PPAN: variants seen among roughly 807,000 people sequenced by gnomAD.
PPAN encodes the protein suppressor of SWI4 1 homolog.
In PPAN, 39 loss-of-function variants were observed where a neutral mutation model predicts 48.5. The observed-to-expected ratio is 0.80, with a 90% CI of 0.62 to 1.05. The LOEUF is 1.05. PPAN is among the 50% of genes least tolerant of loss of function. The pLI is 0.00. For missense variants in PPAN, 736 were observed against 661.7 expected, an observed-to-expected ratio of 1.11 and a Z score of -1.23; for synonymous variants, 315 against 268.6, an observed-to-expected ratio of 1.17 and a Z score of -1.69.
intron 5 of PPAN, among the ~76,000 whole-genome samples, chr19:10,109,157 T>C (rs1008563450): frequency 6.6e-5 from 10 of 151,868 alleles, no homozygotes; most frequent in African/African-American, 2.2e-4. Context: ...AGAGACAGGA[T>C]TTCACCGTGT....
Position 10,107,544 on chromosome 19 carries a change from G to T in PPAN, c.229G>T (p.Ala77Ser), listed in dbSNP as rs1273499815. Reference sequence around the variant, plus strand: ...CTCGCTGAAGGACTGCGTGGCAGTGGCTGGGCCCCTCGGGGTCACACACTT... The same window carrying T: ...CTCGCTGAAGGACTGCGTGGCAGTGTCTGGGCCCCTCGGGGTCACACACTT... ...KNSLKDCVAV[A>S]GPLGVTHFLI... is the part of the protein sequence containing the mutation. The change falls in exon 3 of 12, where the codon GCT becomes TCT. Residue 77 changes from alanine to serine, a missense_variant. By Grantham distance (99) the Ala-to-Ser change is moderately conservative. Coordinates refer to ENST00000253107, the MANE Select transcript of PPAN (RefSeq NM_020230.7). The T allele has an allele frequency of 3.1e-6, 5 of 1,614,110 alleles. No homozygotes were observed. The highest frequency in any genetic ancestry group is 1.6e-4 in the Middle Eastern group (1 of 6,062).
chr19:10,109,150 G>T (rs1031287664), intron 5 of PPAN, among the ~76,000 whole-genome samples: 1 of 152,018 alleles, frequency 6.6e-6, no homozygotes, highest in African/African-American at 2.4e-5. Context: ...TTTTAGTAGA[G>T]ACAGGATTTC....
chr19:10,107,673 CAT>C (rs754794942), intron 3 of PPAN, 67 bp downstream of exon 3: 23 of 1,582,028 alleles, frequency 1.5e-5, no homozygotes, highest in Admixed American at 3.3e-5. Flanking sequence ...ATGATGAACA[CAT>C]ATGCCTCTGA....
chr19:10,111,227 C>T lies in PPAN; in HGVS notation c.*62C>T. On this transcript the variant is annotated 3_prime_UTR_variant, in exon 12 of 12. Coordinates refer to ENST00000253107, the MANE Select transcript of PPAN (RefSeq NM_020230.7). Reference sequence around the variant, plus strand: ...CCCCAGATTGGGGCCCGAGATGTGGCCCTCGGTTTCCTTTCATAAAGGAGT... The same window carrying T: ...CCCCAGATTGGGGCCCGAGATGTGGTCCTCGGTTTCCTTTCATAAAGGAGT... 1 of 1,440,486 alleles carries T rather than the reference C, an allele frequency of 6.9e-7. No homozygotes were observed. Among genetic ancestry groups the T allele is most frequent in the Admixed American group, 2.7e-5 (1 of 36,792 alleles). 89.2% of individuals were successfully genotyped at this position (1,440,486 alleles called of 1,614,324 possible).
In PPAN at chr19:10,106,570, C is replaced by G. The variant is rs760644168; in HGVS notation, c.88C>G (p.His30Asp). 29 of 1,553,092 alleles carry G rather than the reference C, an allele frequency of 1.9e-5. No homozygotes were observed. The highest frequency in any genetic ancestry group is 2.4e-5 in the Non-Finnish European group (27 of 1,148,908). The change falls in exon 2 of 12, where the codon CAC becomes GAC. Residue 30 changes from histidine (H) to aspartate (D), a missense_variant. His to Asp is a moderately conservative substitution (Grantham distance 81). Coordinates refer to ENST00000253107, the MANE Select transcript of PPAN (RefSeq NM_020230.7). The part of the protein sequence containing the change: ...RNLEAYAANP[H>D]SFVFTRGCTG... ...CCTCGAGGCCTATGCCGCGAACCCG[C>G]ACTCGTTCGTGTTCACGCGAGGCTG...
In PPAN at chr19:10,106,652, T is replaced by C. The variant is rs757571904; in HGVS notation, c.170T>C (p.Leu57Pro). The C allele has an allele frequency of 7.1e-6, 11 of 1,540,510 alleles. No individual in the cohort carries two copies. Among genetic ancestry groups the C allele is most frequent in the African/African-American group, 6.8e-5 (5 of 73,268 alleles). Residue 57 changes from leucine to proline, a missense_variant, in exon 2 of 12, where the codon CTC (leucine) becomes CCC (proline). Transcript: ENST00000253107. ...SLDVRRVMEP[L>P]TASRLQVRKK... Reference sequence around the variant, plus strand: ...GACGTGCGGCGGGTCATGGAGCCGCTCACTGCCAGCCGTCTGCAGGTTTGT... The same window carrying C: ...GACGTGCGGCGGGTCATGGAGCCGCCCACTGCCAGCCGTCTGCAGGTTTGT...
At chr19:10,108,811 G>A (rs2088937438) in intron 5 of PPAN, among the ~76,000 whole-genome samples, 1 of 151,892 alleles carries the variant, frequency 6.6e-6, no homozygotes, top group East Asian at 1.9e-4. Flanking sequence ...GATTCCAGGG[G>A]GCAGGACTGG....
In PPAN at chr19:10,106,621, A is replaced by G. The variant is rs778188593; in HGVS notation, c.139A>G (p.Ser47Gly). 27 of 1,550,380 alleles carry G rather than the reference A, an allele frequency of 1.7e-5. No homozygotes were observed. The East Asian group carries it at 6.2e-4, about 36-fold the overall frequency. The change falls in exon 2 of 12, where the codon AGC becomes GGC. Residue 47 changes from serine to glycine, a missense_variant. Coordinates refer to ENST00000253107, the MANE Select transcript of PPAN (RefSeq NM_020230.7). ...GCTGRNIRQL[S>G]LDVRRVMEPL... ...CACGGGTCGCAACATCCGGCAGCTC[A>G]GCCTGGACGTGCGGCGGGTCATGGA...
chr19:10,107,422 A>T, intron 2 of PPAN, 83 bp from the exon 3 acceptor site: 1 of 1,463,476 alleles, frequency 6.8e-7, no homozygotes, highest in Non-Finnish European at 9.3e-7. Context: ...AAGACAGACC[A>T]TAACAGGATC....
rs2089030761 is a variant in PPAN, at chr19:10,110,809, C to A, written c.1144C>A (p.Gln382Lys). The A allele has an allele frequency of 6.2e-7, 1 of 1,614,008 alleles. No individual in the cohort carries two copies. Among genetic ancestry groups the A allele is most frequent in the Non-Finnish European group, 8.5e-7 (1 of 1,180,002 alleles). Reference protein sequence around the residue: ...SLELGEDDDEQEDDDIEYFCQ... With the variant: ...SLELGEDDDEKEDDDIEYFCQ... ...GGAGTTGGGTGAGGACGATGATGAA[C>A]AGGAAGATGATGACATCGAGTATTT... Residue 382 changes from glutamine to lysine, a missense_variant, in exon 11 of 12, where the codon CAG (glutamine) becomes AAG (lysine). By Grantham distance (53) the Gln-to-Lys change is moderately conservative. Coordinates refer to ENST00000253107, the MANE Select transcript of PPAN (RefSeq NM_020230.7). This position sits in a 1 kb window ranked among gnomAD's most constrained non-coding sequence, Gnocchi z 5.9.
In PPAN at chr19:10,110,537, G is replaced by C. The variant is rs747096016; in HGVS notation, c.954G>C (p.Lys318Asn). The C allele has an allele frequency of 5.6e-6, 9 of 1,611,716 alleles. No individual in the cohort carries two copies. The highest frequency in any genetic ancestry group is 1.7e-4 in the Middle Eastern group (1 of 6,034). ...CCATCCTGGAAGCCAAGGAGAAGAA[G>C]CTGCGGCTGAAGGCGCAGAGGCAGG... The part of the protein sequence containing the change: ...LQAILEAKEK[K>N]LRLKAQRQAQ... Residue 318 changes from lysine to asparagine, a missense_variant, in exon 10 of 12, where the codon AAG becomes AAC. Transcript: ENST00000253107. The surrounding 1 kb of genome is among the most constrained non-coding windows in gnomAD (Gnocchi z 5.9).
intron 5 of PPAN, 46 bp downstream of exon 5, chr19:10,108,180 A>G (rs1310692352): frequency 6.4e-7 from 1 of 1,566,200 alleles, no homozygotes. Flanking sequence ...GGTGCAGCGG[A>G]TAGAGGTGCC....
chr19:10,108,048 C>T lies in PPAN; in HGVS notation c.427C>T (p.Leu143Phe). The T allele has an allele frequency of 6.2e-7, 1 of 1,614,120 alleles. No individual in the cohort carries two copies. Among genetic ancestry groups the T allele is most frequent in the Non-Finnish European group, 8.5e-7 (1 of 1,180,010 alleles). ...GTTTGCCCACCCACCCCTCCTGGTA[C>T]TCAACAGCTTTGGCCCCCATGGTAT... ...QQFAHPPLLVLNSFGPHGMHV... is the reference protein window; with the variant it reads ...QQFAHPPLLVFNSFGPHGMHV... The change falls in exon 5 of 12, where the codon CTC becomes TTC. Residue 143 changes from leucine to phenylalanine, a missense_variant. Physicochemically the swap from Leu to Phe is conservative, Grantham distance 22. Coordinates refer to ENST00000253107, the MANE Select transcript of PPAN (RefSeq NM_020230.7).
chr19:10,111,476 TC>T lies in PPAN; in HGVS notation c.*317del. The T allele has an allele frequency of 1.6e-6, 1 of 616,896 alleles. No individual in the cohort carries two copies. Among genetic ancestry groups the T allele is most frequent in the Non-Finnish European group, 2.8e-6 (1 of 351,704 alleles). 38.2% of individuals were successfully genotyped at this position (616,896 alleles called of 1,614,324 possible). A position where few individuals can be genotyped will look rare whatever the true frequency, so the allele number is the denominator to read the frequency against. On this transcript the variant is annotated 3_prime_UTR_variant, in exon 12 of 12. Transcript: ENST00000253107. Reference sequence around the variant, plus strand: ...GGCAGCAGCAGCCATGAGTGGCCCCTCCCCCCAGTCCCACCAAAGAGCCGTG... The same window carrying T: ...GGCAGCAGCAGCCATGAGTGGCCCCTCCCCCAGTCCCACCAAAGAGCCGTG...
chr19:10,109,949 G>A lies in PPAN; in HGVS notation c.627G>A (p.Gly209=), dbSNP rs1272764184. 1 of 1,614,118 alleles carries A rather than the reference G, an allele frequency of 6.2e-7. No individual in the cohort carries two copies. The highest frequency in any genetic ancestry group is 2.2e-5 in the East Asian group (1 of 44,876). The change falls in exon 7 of 12, where the codon GGG becomes GGA. Residue 209 remains glycine, a synonymous_variant. Transcript: ENST00000253107. Reference sequence around the variant, plus strand: ...TTGTTCCTGTGGGCGCGAGTCGCGGGATGAAGAAGCTGCTCCAGGAGAAGT... The same window carrying A: ...TTGTTCCTGTGGGCGCGAGTCGCGGAATGAAGAAGCTGCTCCAGGAGAAGT... ...IKVVPVGASR[G]MKKLLQEKFP...
intron 2 of PPAN, 176 bp downstream of exon 2, chr19:10,106,847 G>T (rs781390741): frequency 9.5e-7 from 1 of 1,054,650 alleles, no homozygotes; most frequent in Non-Finnish European, 1.3e-6. Context: ...TGGAGTGAGG[G>T]CGCGCAGCTT....
intron 5 of PPAN, among the ~76,000 whole-genome samples, chr19:10,109,382 A>G (rs1226428784): frequency 6.6e-6 from 1 of 151,146 alleles, no homozygotes. Flanking sequence ...ACCACATCCA[A>G]CTCATTTTTC....
chr19:10,110,608 C>T lies in PPAN; in HGVS notation c.1025C>T (p.Ala342Val). 1.2e-6 allele frequency: 2 copies of T among 1,604,632 alleles called. No individual in the cohort carries two copies. Reference sequence around the variant, plus strand: ...CAGCGCAAGCAGGAGCAGCGGGAGGCCCACAGGTCCAGGCAGAGCTGGGAA... The same window carrying T: ...CAGCGCAAGCAGGAGCAGCGGGAGGTCCACAGGTCCAGGCAGAGCTGGGAA... ...NVQRKQEQRE[A>V]HRKKSLEGMK... Residue 342 changes from alanine (A) to valine (V), a missense_variant, in exon 10 of 12, where the codon GCC (alanine) becomes GTC (valine). Physicochemically the swap from Ala to Val is moderately conservative, Grantham distance 64. Transcript: ENST00000253107. The surrounding 1 kb of genome is among the most constrained non-coding windows in gnomAD (Gnocchi z 5.9).
In PPAN at chr19:10,108,165, G is replaced by T. The variant is rs751683327; in HGVS notation, c.513+31G>T. ...TCTGGCCTGGCGAGGTGGCAGGTAT[G>T]GGGGGGTGCAGCGGATAGAGGTGCC... On this transcript the variant is annotated intron_variant, in intron 5 of 11. Transcript: ENST00000253107. The T allele has an allele frequency of 6.9e-6, 11 of 1,583,910 alleles. 1 individual carries two copies. In the South Asian group the frequency reaches 1.0e-4, roughly 15 times the overall value.
Sources: gnomAD v4.1 joint callset for allele counts (sites outside exome capture counted in the v4.1 genomes callset) on GRCh38, gnomAD v4.1.1 for gene constraint, Gnocchi (gnomAD v3.1) non-coding constraint, MANE v1.5 for transcripts, NCBI Gene and HGNC (gene_info 2026-07-23, HGNC 2026-07-21) for gene names.